The following SCARB2 variants were observed in gnomAD, a reference collection of about 807,000 sequenced individuals.
SCARB2 encodes lysosome membrane protein 2.
Under a neutral mutation model 58.6 loss-of-function variants are expected in SCARB2, and 29 were observed. The ratio of observed to expected loss-of-function variants is 0.49; its 90% CI spans 0.37 to 0.67. SCARB2 has a LOEUF of 0.67. Ranked by LOEUF, SCARB2 falls within the 30% of genes least tolerant of loss-of-function variation. The pLI is 0.00. For missense variants in SCARB2, 488 were observed against 578.5 expected (o/e 0.84, Z 1.60); for synonymous variants, 195 against 210.1 (o/e 0.93, Z 0.62).
chr4:76,163,330 A>G lies in SCARB2; in HGVS notation c.1293T>C (p.Thr431=). Residue 431 remains threonine, a synonymous_variant, in exon 11 of 12, where the codon ACT becomes ACC. Coordinates refer to ENST00000264896, the MANE Select transcript of SCARB2 (RefSeq NM_005506.4). ...TASRLKSMIN[T]TLIITNIPYI... ...AGGGTATGTTGGTGATGATCAAAGT[A>G]GTGTTAATCATAGACTTCAGTCGAC... The G allele has an allele frequency of 6.2e-7, 1 of 1,614,216 alleles. No individual in the cohort carries two copies. Among genetic ancestry groups the G allele is most frequent in the East Asian group, 2.2e-5 (1 of 44,884 alleles).
Position 76,174,142 on chromosome 4 carries a change from A to G in SCARB2, c.994+2T>C, listed in dbSNP as rs1168653552. Reference sequence around the variant, plus strand: ...TATCATGTCCCCTCTCTGAGTTCTTACCATTCTTGCAGATGCTGACATTCA... The same window carrying G: ...TATCATGTCCCCTCTCTGAGTTCTTGCCATTCTTGCAGATGCTGACATTCA... On this transcript the variant is annotated splice_donor_variant, in intron 7 of 11. Transcript: ENST00000264896. LOFTEE classifies it high-confidence loss of function. 3.1e-6 allele frequency: 5 copies of G among 1,613,452 alleles called. No individual in the cohort carries two copies. The highest frequency in any genetic ancestry group is 1.3e-5 in the African/African-American group (1 of 74,862).
chr4:76,195,611 C>A, intron 2 of SCARB2, 96 bp downstream of exon 2: 1 of 1,046,942 alleles, frequency 9.6e-7, no homozygotes, highest in South Asian at 1.3e-5. Context: ...TGCTCCCACA[C>A]AGCCCTGGAG....
chr4:76,169,786 A>G (rs898362044), intron 8 of SCARB2, 81 bp downstream of exon 8: 33 of 1,145,970 alleles, frequency 2.9e-5, no homozygotes, highest in Non-Finnish European at 4.2e-5. Flanking sequence ...ATTTTTAAAG[A>G]AGGCTCAGGA....
intron 1 of SCARB2, chr4:76,213,104 G>A (rs1165208572): frequency 2.7e-6 from 1 of 372,718 alleles, no homozygotes; most frequent in Non-Finnish European, 5.2e-6. Context: ...AAGTGGGAAG[G>A]AAACAAGTTT....
chr4:76,160,824 CAT>C lies in SCARB2; in HGVS notation c.*887_*888del, dbSNP rs1391792437. 6.6e-5 allele frequency: 10 copies of C among 152,034 alleles called. No individual in the cohort carries two copies. Among genetic ancestry groups the C allele is most frequent in the African/African-American group, 2.2e-4 (9 of 41,374 alleles). 9.4% of individuals were successfully genotyped at this position (152,034 alleles called of 1,614,324 possible). ...AATATTAGATTAATTAATACAGTAACATATTTGGCAAGGGCGACTCAGGAAGA... is the reference window on the plus strand; with the variant it reads ...AATATTAGATTAATTAATACAGTAACATTTGGCAAGGGCGACTCAGGAAGA... On this transcript the variant is annotated 3_prime_UTR_variant, in exon 12 of 12. Coordinates refer to ENST00000264896, the MANE Select transcript of SCARB2 (RefSeq NM_005506.4).
In SCARB2 at chr4:76,181,185, T is replaced by C; in HGVS notation, c.276-84A>G. On this transcript the variant is annotated intron_variant, in intron 2 of 11. Coordinates refer to ENST00000264896, the MANE Select transcript of SCARB2 (RefSeq NM_005506.4). ...TTCCTTTCTTTCAGCATCCAAGTTA[T>C]ATTTTCAATATAACATTCCCAATAT... The C allele has an allele frequency of 3.7e-6, 5 of 1,333,838 alleles. No homozygotes were observed. The South Asian group carries it at 6.0e-5, about 16-fold the overall frequency. 82.6% of individuals were successfully genotyped at this position (1,333,838 alleles called of 1,614,324 possible). A position where few individuals can be genotyped will look rare whatever the true frequency, so the allele number is the denominator to read the frequency against.
At chr4:76,186,769 CATG>C (rs1732496169) in intron 2 of SCARB2, among the ~76,000 whole-genome samples, 2 of 152,250 alleles carry the variant, frequency 1.3e-5, no homozygotes, top group East Asian at 3.9e-4. Context: ...ACCTTTTGTG[CATG>C]ATAAGATGGT....
intron 2 of SCARB2, among the ~76,000 whole-genome samples, chr4:76,186,800 AT>A (rs61446152): frequency 9.0e-4 from 136 of 150,344 alleles, no homozygotes; most frequent in Middle Eastern, 3.4e-3. Context: ...ATCTTTTTCT[AT>A]TTTTTTTTAC....
intron 1 of SCARB2, among the ~76,000 whole-genome samples, chr4:76,231,692 A>G (rs1053606782): frequency 6.6e-6 from 1 of 152,228 alleles, no homozygotes; most frequent in Admixed American, 6.5e-5. Context: ...AAGGAATCAG[A>G]TAAGACCTTT....
At chr4:76,224,242 T>C (rs996208714) in intron 1 of SCARB2, among the ~76,000 whole-genome samples, 1 of 152,190 alleles carries the variant, frequency 6.6e-6, no homozygotes, top group African/African-American at 2.4e-5. Context: ...TCATCCGAAA[T>C]TCACGGGATA....
upstream of SCARB2, chr4:76,214,534 C>A: frequency 2.9e-6 from 1 of 344,834 alleles, no homozygotes; most frequent in East Asian, 8.6e-5. Context: ...GGTGTTGAGG[C>A]CCCAAGAGGT....
rs1330488278 is a variant in SCARB2, at chr4:76,213,695, G to A, written c.-152C>T. ...GCACGGTTCGTGCGCGCAGCTCTGG[G>A]CTCCGCGGCCTGGCGAGCGCGGCCC... On this transcript the variant is annotated 5_prime_UTR_variant, in exon 1 of 12. Coordinates refer to ENST00000264896, the MANE Select transcript of SCARB2 (RefSeq NM_005506.4). The A allele has an allele frequency of 5.2e-6, 3 of 579,506 alleles. No individual in the cohort carries two copies. Among genetic ancestry groups the A allele is most frequent in the Non-Finnish European group, 5.8e-6 (2 of 342,376 alleles). 35.9% of individuals were successfully genotyped at this position (579,506 alleles called of 1,614,324 possible).
intron 10 of SCARB2, chr4:76,165,433 TAG>T (rs1276592232): frequency 1.3e-5 from 2 of 152,160 alleles, no homozygotes; most frequent in African/African-American, 4.8e-5. Context: ...CTGCCTCTGA[TAG>T]AGAGGGACTT....
chr4:76,204,014 G>C (rs1361838350), intron 1 of SCARB2, among the ~76,000 whole-genome samples: 4 of 152,192 alleles, frequency 2.6e-5, no homozygotes, highest in African/African-American at 9.6e-5. Flanking sequence ...CATCCATGTT[G>C]CCATCTGCAC....
intron 4 of SCARB2, among the ~76,000 whole-genome samples, chr4:76,178,394 G>C (rs896856881): frequency 1.8e-4 from 27 of 152,164 alleles, no homozygotes; most frequent in African/African-American, 6.0e-4. Context: ...TATCAGTCTG[G>C]TGAATTCAAT....
chr4:76,207,079 C>T (rs1334517702), intron 1 of SCARB2, among the ~76,000 whole-genome samples: 1 of 152,120 alleles, frequency 6.6e-6, no homozygotes, highest in African/African-American at 2.4e-5. Flanking sequence ...AAAGTGTGAT[C>T]TCAGGACCCC....
intron 1 of SCARB2, among the ~76,000 whole-genome samples, chr4:76,220,979 T>G (rs1733296323): frequency 6.6e-6 from 1 of 152,138 alleles, no homozygotes; most frequent in African/African-American, 2.4e-5. Context: ...TGGTCCTCTT[T>G]ATTTCCCCAT....
At chr4:76,169,788 G>T in intron 8 of SCARB2, 79 bp downstream of exon 8, 1 of 1,158,586 alleles carries the variant, frequency 8.6e-7, no homozygotes, top group African/African-American at 1.5e-5. Context: ...TTTTAAAGAA[G>T]GCTCAGGACT....
At chr4:76,173,100 T>C (rs183077677) in intron 7 of SCARB2, 11 of 152,300 alleles carry the variant, frequency 7.2e-5, no homozygotes, top group Admixed American at 2.0e-4. Context: ...TGAATAATTC[T>C]GCAACATGTG....
Sources: allele counts gnomAD v4.1 joint callset (sites outside exome capture counted in the v4.1 genomes callset), GRCh38; gene constraint gnomAD v4.1.1; transcripts MANE v1.5; gene names NCBI Gene and HGNC (gene_info 2026-07-23, HGNC 2026-07-21).